The following OTOGL variants were observed in gnomAD, a reference collection of about 807,000 sequenced individuals.
OTOGL encodes otogelin-like protein.
A neutral mutation model predicts 318.5 loss-of-function variants in OTOGL; 285 were observed. The ratio of observed to expected loss-of-function variants is 0.89; its 90% CI spans 0.81 to 0.99. The LOEUF is 0.99. OTOGL is among the 50% of genes least tolerant of loss of function. The pLI, the probability that OTOGL is intolerant of heterozygous loss-of-function variation, is 0.00. For synonymous variants in OTOGL, 987 were observed against 936.5 expected (o/e 1.05, Z -0.99); for missense variants, 2,899 against 2,845.6 (o/e 1.02, Z -0.43).
chr12:80,228,999 G>T (rs1204058999), intron 7 of OTOGL, among the ~76,000 whole-genome samples: 1 of 152,138 alleles, frequency 6.6e-6, no homozygotes, highest in Admixed American at 6.6e-5. Flanking sequence ...CATGTACCTT[G>T]AGAATATTAA....
chr12:80,153,359 C>T (rs1872909795), intron 1 of OTOGL, among the ~76,000 whole-genome samples: 3 of 152,160 alleles, frequency 2.0e-5, no homozygotes, highest in Admixed American at 2.0e-4. Context: ...AGCCTCATGA[C>T]CTAATCACCC....
At chr12:80,289,447 G>A (rs1403440681) in intron 26 of OTOGL, among the ~76,000 whole-genome samples, 1 of 152,208 alleles carries the variant, frequency 6.6e-6, no homozygotes, top group Non-Finnish European at 1.5e-5. Context: ...CGCTGCTCTC[G>A]TCAGAGCCAG....
intron 24 of OTOGL, among the ~76,000 whole-genome samples, chr12:80,274,406 G>C (rs1883640415): frequency 6.6e-6 from 1 of 152,000 alleles, no homozygotes. Flanking sequence ...CCATAGCAAG[G>C]CTTTAACTCT....
At chr12:80,261,504 G>T (rs1882522325) in intron 18 of OTOGL, among the ~76,000 whole-genome samples, 1 of 152,024 alleles carries the variant, frequency 6.6e-6, no homozygotes, top group Non-Finnish European at 1.5e-5. Context: ...TATATTTTGA[G>T]ATATTTGTCT....
intron 1 of OTOGL, among the ~76,000 whole-genome samples, chr12:80,133,825 C>G (rs761629542): frequency 3.9e-5 from 6 of 151,988 alleles, no homozygotes; most frequent in Non-Finnish European, 8.8e-5. Flanking sequence ...TTTTGTGGTG[C>G]ACACCTGTAG....
At chr12:80,157,152 T>C (rs1873178385) in intron 1 of OTOGL, among the ~76,000 whole-genome samples, 1 of 152,156 alleles carries the variant, frequency 6.6e-6, no homozygotes, top group Non-Finnish European at 1.5e-5. Context: ...TGAGGTGATA[T>C]CTCATTGTAG....
rs539934176 is a variant in OTOGL, at chr12:80,333,516, A to G, written c.4422+438A>G. 6.2e-3 allele frequency among the ~76,000 whole-genome samples: 942 copies of G among 151,954 alleles called. 6 individuals carry two copies. The highest frequency in any genetic ancestry group is 0.011 in the Non-Finnish European group (716 of 67,962). On this transcript the variant is annotated intron_variant, in intron 38 of 58. Transcript: ENST00000547103. The stretch of plus-strand genomic sequence containing the variant: ...GAGATCTTCTTATATCAAATATACC[A>G]TTTGCTCTGATAAACTATTTATTCA...
chr12:80,284,340 C>T (rs563126211), intron 26 of OTOGL, among the ~76,000 whole-genome samples: 9 of 152,070 alleles, frequency 5.9e-5, no homozygotes, highest in Admixed American at 4.6e-4. Flanking sequence ...AATAAACATA[C>T]GTGTGCATGT....
At chr12:80,289,948 A>G (rs1884923037) in intron 26 of OTOGL, among the ~76,000 whole-genome samples, 1 of 152,078 alleles carries the variant, frequency 6.6e-6, no homozygotes. Flanking sequence ...GGGTATGAAA[A>G]AAAAAACTTC....
In OTOGL at chr12:80,176,488, A is replaced by T. The variant is rs182261511; in HGVS notation, c.-19-32925A>T. Among the ~76,000 whole-genome samples, 273 of 152,300 alleles carry T rather than the reference A, an allele frequency of 1.8e-3. 2 individuals carry two copies. The highest frequency in any genetic ancestry group is 6.4e-3 in the African/African-American group (267 of 41,582). On this transcript the variant is annotated intron_variant, in intron 1 of 58. Transcript: ENST00000547103. Reference sequence around the variant, plus strand: ...TAGTTTGCATTTTCTAGGATTTTATAAAAATGGAATATATACAGTGTGTTC... The same window carrying T: ...TAGTTTGCATTTTCTAGGATTTTATTAAAATGGAATATATACAGTGTGTTC...
intron 41 of OTOGL, 29 bp from the exon 42 acceptor site, chr12:80,336,883 C>T (rs751395937): frequency 4.9e-5 from 75 of 1,545,196 alleles, no homozygotes; most frequent in Admixed American, 5.8e-5. Flanking sequence ...TGTTTAACTC[C>T]GTAAAGTTTT....
rs1229311666 is a variant in OTOGL, at chr12:80,358,327, C to T, written c.6099C>T (p.Phe2033=). 2 of 1,602,330 alleles carry T rather than the reference C, an allele frequency of 1.2e-6. No homozygotes were observed. Among genetic ancestry groups the T allele is most frequent in the Non-Finnish European group, 1.7e-6 (2 of 1,170,656 alleles). Residue 2033 remains phenylalanine (F), a synonymous_variant, in exon 50 of 59, where the codon TTC becomes TTT. Coordinates refer to ENST00000547103, the MANE Select transcript of OTOGL (RefSeq NM_001378609.3). ...CAGTAGATCTTAATAGCACACACTTCTGTTGTCCTCAGTATTACTGTGGTA... is the reference window on the plus strand; with the variant it reads ...CAGTAGATCTTAATAGCACACACTTTTGTTGTCCTCAGTATTACTGTGGTA... The part of the protein sequence containing the change: ...FLTVDLNSTH[F]CCPQYYCVCE...
rs566521042 is a variant in OTOGL, at chr12:80,303,241, C to T, written c.3213+458C>T. 2.0e-4 allele frequency among the ~76,000 whole-genome samples: 31 copies of T among 152,192 alleles called. 1 individual carries two copies. The highest frequency in any genetic ancestry group is 1.5e-3 in the South Asian group (7 of 4,820). On this transcript the variant is annotated intron_variant, in intron 28 of 58. Coordinates refer to ENST00000547103, the MANE Select transcript of OTOGL (RefSeq NM_001378609.3). The stretch of plus-strand genomic sequence containing the variant: ...CGCAATCTCAGCTCACTGCAAGCTC[C>T]GCCTCCCGGGTTCACGCCATTCTCC...
chr12:80,272,822 G>C (rs1267546614), intron 24 of OTOGL, among the ~76,000 whole-genome samples: 2 of 152,086 alleles, frequency 1.3e-5, no homozygotes, highest in Non-Finnish European at 2.9e-5. Context: ...ATAGGAGGCA[G>C]AGACAAGAAG....
chr12:80,312,924 G>T (rs923464521), intron 30 of OTOGL, among the ~76,000 whole-genome samples: 2 of 152,024 alleles, frequency 1.3e-5, no homozygotes, highest in African/African-American at 4.8e-5. Flanking sequence ...TGATTCTCCT[G>T]CCTCAGCCTC....
chr12:80,317,418 G>T (rs994347023), intron 32 of OTOGL, among the ~76,000 whole-genome samples: 1 of 152,056 alleles, frequency 6.6e-6, no homozygotes, highest in Non-Finnish European at 1.5e-5. Context: ...CAGATTTCTT[G>T]TTGGCAATTG....
chr12:80,309,189 T>TGTA (rs1886463966), intron 29 of OTOGL, among the ~76,000 whole-genome samples: 1 of 152,172 alleles, frequency 6.6e-6, no homozygotes, highest in African/African-American at 2.4e-5. Flanking sequence ...AGACACATAA[T>TGTA]ATGGATAAAT....
chr12:80,347,410 G>C (rs994865276), intron 44 of OTOGL, among the ~76,000 whole-genome samples: 1 of 152,050 alleles, frequency 6.6e-6, no homozygotes, highest in Non-Finnish European at 1.5e-5. Context: ...TTCCGTTCCT[G>C]TGTTAGTTTG....
chr12:80,370,238 T>C (rs570100259), intron 55 of OTOGL, among the ~76,000 whole-genome samples: 2 of 152,158 alleles, frequency 1.3e-5, no homozygotes, highest in East Asian at 3.9e-4. Flanking sequence ...TTAAATTAGA[T>C]AATTTTGTAG....
Sources: allele counts gnomAD v4.1 joint callset (sites outside exome capture counted in the v4.1 genomes callset), GRCh38; gene constraint gnomAD v4.1.1; transcripts MANE v1.5; gene names NCBI Gene and HGNC (gene_info 2026-07-23, HGNC 2026-07-21).